SLMAP: variants seen among roughly 807,000 people sequenced by gnomAD.
SLMAP encodes sarcolemmal membrane-associated protein.
In SLMAP, 44 loss-of-function variants were observed where a neutral mutation model predicts 128.8. The ratio of observed to expected loss-of-function variants is 0.34; its 90% CI spans 0.27 to 0.44. SLMAP has a LOEUF of 0.44. Among genes scored for constraint, SLMAP ranks in the 20% least tolerant of loss-of-function variants. The pLI, the probability that SLMAP is intolerant of heterozygous loss-of-function variation, is 1.00. For missense variants in SLMAP, 787 were observed against 985.3 expected, an observed-to-expected ratio of 0.80 and a Z score of 2.69; for synonymous variants, 327 against 348.8, an observed-to-expected ratio of 0.94 and a Z score of 0.70.
At chr3:57,851,582 C>T (rs1197893204) in intron 6 of SLMAP, among the ~76,000 whole-genome samples, 1 of 151,542 alleles carries the variant, frequency 6.6e-6, no homozygotes, top group Non-Finnish European at 1.5e-5. Flanking sequence ...AAGCAGTTCT[C>T]CTGCCCCAGT....
chr3:57,812,747 T>TTTTATTGTACAAATA (rs1257107285), intron 2 of SLMAP, among the ~76,000 whole-genome samples: 2 of 152,108 alleles, frequency 1.3e-5, no homozygotes, highest in Non-Finnish European at 2.9e-5. Context: ...GTTTTATAGT[T>TTTTATTGTACAAATA]TTTATTGTAC....
In SLMAP at chr3:57,791,683, CT is replaced by C. The variant is rs948253893; in HGVS notation, c.198+33843del. On this transcript the variant is annotated intron_variant, in intron 2 of 24. Coordinates refer to ENST00000671191, the MANE Select transcript of SLMAP (RefSeq NM_001377540.1). ...ATTTCAACAGAAAATCCAAAAATTG[CT>C]TTTTTTTTGCATAGCATCTGAATTG... Among the ~76,000 whole-genome samples, 6 of 150,798 alleles carry C rather than the reference CT, an allele frequency of 4.0e-5. No individual in the cohort carries two copies. The East Asian group carries it at 9.7e-4, about 24-fold the overall frequency.
intron 15 of SLMAP, among the ~76,000 whole-genome samples, chr3:57,892,596 A>T (rs1460816782): frequency 6.6e-6 from 1 of 152,124 alleles, no homozygotes; most frequent in African/African-American, 2.4e-5. Flanking sequence ...ATTTGCCTCT[A>T]TGTAACTATA....
chr3:57,864,608 C>A lies in SLMAP; in HGVS notation c.1027C>A (p.Gln343Lys). The change falls in exon 11 of 25, where the codon CAA (glutamine) becomes AAA (lysine). Residue 343 changes from glutamine to lysine, a missense_variant. Transcript: ENST00000671191. ...QKGQAEKKELQHKIDEMEEKE... is the reference protein window; with the variant it reads ...QKGQAEKKELKHKIDEMEEKE... ...GGGACAGGCTGAGAAAAAAGAATTA[C>A]AACATAAAATAGATGAAATGGAAGA... 2 of 1,593,326 alleles carry A rather than the reference C, an allele frequency of 1.3e-6. No homozygotes were observed. Among genetic ancestry groups the A allele is most frequent in the Non-Finnish European group, 1.7e-6 (2 of 1,174,236 alleles).
chr3:57,775,115 C>T (rs2081571443), intron 2 of SLMAP, among the ~76,000 whole-genome samples: 2 of 151,510 alleles, frequency 1.3e-5, no homozygotes, highest in South Asian at 2.1e-4. Context: ...AGTACAGTGG[C>T]GCGATCTCGG....
At chr3:57,802,396 G>A (rs967352223) in intron 2 of SLMAP, among the ~76,000 whole-genome samples, 9 of 152,018 alleles carry the variant, frequency 5.9e-5, no homozygotes, top group Admixed American at 5.9e-4. Flanking sequence ...TCCTGCCTCA[G>A]CCTCCTGAAT....
chr3:57,758,685 TTA>T (rs1319413795), intron 2 of SLMAP, among the ~76,000 whole-genome samples: 5 of 152,354 alleles, frequency 3.3e-5, no homozygotes, highest in Non-Finnish European at 4.4e-5. Context: ...TTTAGTATTT[TTA>T]TGTTAGTATC....
chr3:57,765,379 AG>A (rs1229453769), intron 2 of SLMAP, among the ~76,000 whole-genome samples: 1 of 152,130 alleles, frequency 6.6e-6, no homozygotes, highest in Non-Finnish European at 1.5e-5. Context: ...TGACATAGTG[AG>A]ACCCATCTTA....
At chr3:57,921,021 A>C (rs1156292400) in intron 22 of SLMAP, among the ~76,000 whole-genome samples, 1 of 152,038 alleles carries the variant, frequency 6.6e-6, no homozygotes, top group African/African-American at 2.4e-5. Context: ...AGTCTAAAAA[A>C]AAAAAAGAGG....
chr3:57,908,975 T>C (rs1388858274), intron 18 of SLMAP, 101 bp from the exon 19 acceptor site: 17 of 791,166 alleles, frequency 2.1e-5, no homozygotes, highest in Non-Finnish European at 3.1e-5. Context: ...CTTTCAATAA[T>C]CTTTTAGGAG....
chr3:57,814,524 A>G (rs1413642851), intron 2 of SLMAP, among the ~76,000 whole-genome samples: 1 of 152,166 alleles, frequency 6.6e-6, no homozygotes, highest in Non-Finnish European at 1.5e-5. Flanking sequence ...GGTTTAGAAA[A>G]GGAATTATGA....
rs144637720 is a variant in SLMAP at position 57,783,792 on chromosome 3, C to T, written c.198+25943C>T. Reference sequence around the variant, plus strand: ...ATCTTCAAGGCTATCCCTGTCATCACGGGTGCAGACCTCTAGGAAGACAGA... The same window carrying T: ...ATCTTCAAGGCTATCCCTGTCATCATGGGTGCAGACCTCTAGGAAGACAGA... On this transcript the variant is annotated intron_variant, in intron 2 of 24. Coordinates refer to ENST00000671191, the MANE Select transcript of SLMAP (RefSeq NM_001377540.1). Among the ~76,000 whole-genome samples, 13 of 152,252 alleles carry T rather than the reference C, an allele frequency of 8.5e-5. No homozygotes were observed. In the East Asian group the frequency reaches 1.5e-3, roughly 18 times the overall value.
intron 21 of SLMAP, among the ~76,000 whole-genome samples, chr3:57,914,101 A>G (rs1234919577): frequency 2.6e-5 from 4 of 152,226 alleles, no homozygotes. Context: ...AGTATCTAAT[A>G]CTTGACAAGC....
chr3:57,909,951 T>C (rs1222659291), intron 19 of SLMAP, among the ~76,000 whole-genome samples: 6 of 151,368 alleles, frequency 4.0e-5, no homozygotes, highest in Non-Finnish European at 7.4e-5. Context: ...AAGGGAAGAT[T>C]GTCCAGTACT....
intron 20 of SLMAP, 72 bp from the exon 21 acceptor site, chr3:57,913,086 T>G: frequency 1.3e-6 from 1 of 750,626 alleles, no homozygotes; most frequent in East Asian, 2.6e-5. Flanking sequence ...TCTGAAATCT[T>G]TTCCTTTATC....
At chr3:57,823,826 A>G (rs1273708604) in intron 2 of SLMAP, among the ~76,000 whole-genome samples, 11 of 152,238 alleles carry the variant, frequency 7.2e-5, no homozygotes, top group Non-Finnish European at 1.5e-4. Flanking sequence ...ACTAGTTTAC[A>G]GTCCCAGCAA....
intron 2 of SLMAP, among the ~76,000 whole-genome samples, chr3:57,759,252 A>G (rs554313955): frequency 1.1e-4 from 16 of 152,134 alleles, no homozygotes; most frequent in Admixed American, 1.3e-4. Context: ...TAGGGTGCCT[A>G]AAATACTTCA....
intron 13 of SLMAP, among the ~76,000 whole-genome samples, chr3:57,866,006 T>A (rs2095290980): frequency 6.6e-6 from 1 of 152,216 alleles, no homozygotes; most frequent in Non-Finnish European, 1.5e-5. Flanking sequence ...TGGAGTACAG[T>A]AGAAATTAAA....
At chr3:57,775,340 C>G (rs1457504709) in intron 2 of SLMAP, among the ~76,000 whole-genome samples, 1 of 151,840 alleles carries the variant, frequency 6.6e-6, no homozygotes, top group Non-Finnish European at 1.5e-5. Context: ...CCGCGCCCGG[C>G]GAAAACTTTG....
Sources: gnomAD v4.1 joint callset for allele counts (sites outside exome capture counted in the v4.1 genomes callset) on GRCh38, gnomAD v4.1.1 for gene constraint, MANE v1.5 for transcripts, NCBI Gene and HGNC (gene_info 2026-07-23, HGNC 2026-07-21) for gene names.